The following CBR4 variants were observed in gnomAD, a reference collection of about 807,000 sequenced individuals.
The protein encoded by CBR4 is 3-oxoacyl-[acyl-carrier-protein] reductase.
A neutral mutation model predicts 21.0 loss-of-function variants in CBR4; 22 were observed. The ratio of observed to expected loss-of-function variants is 1.05; its 90% CI spans 0.75 to 1.50. The LOEUF is 1.50. Among genes scored for constraint, CBR4 ranks in the 40% most tolerant of loss-of-function variants. CBR4 has a pLI of 0.00. For missense variants in CBR4, 302 were observed against 286.3 expected (o/e 1.05, Z -0.40); for synonymous variants, 100 against 104.4 (o/e 0.96, Z 0.26).
intron 2 of CBR4, among the ~76,000 whole-genome samples, chr4:168,948,993 A>G (rs1018398769): frequency 3.3e-5 from 5 of 152,200 alleles, no homozygotes; most frequent in Non-Finnish European, 5.9e-5. Flanking sequence ...CTACCCTTCC[A>G]TGAGCATGGG....
At chr4:168,897,875 C>G (rs1237864895) in intron 2 of CBR4, 2 of 149,294 alleles carry the variant, frequency 1.3e-5, no homozygotes, top group Non-Finnish European at 3.0e-5. Flanking sequence ...ATTTTTTCTT[C>G]TAAAGATGGT....
intron 2 of CBR4, chr4:168,927,379 G>GAAGT (rs1194854116): frequency 4.3e-6 from 1 of 232,846 alleles, no homozygotes; most frequent in East Asian, 6.0e-5. Context: ...GGGCCAGCTG[G>GAAGT]AAGTGTGGAG....
At chr4:168,980,952 C>G (rs1414576304) in intron 2 of CBR4, among the ~76,000 whole-genome samples, 2 of 152,104 alleles carry the variant, frequency 1.3e-5, no homozygotes, top group African/African-American at 4.8e-5. Flanking sequence ...GATTCTTAAC[C>G]AGAAGGAAAT....
chr4:168,916,627 A>G (rs956941460), intron 2 of CBR4, among the ~76,000 whole-genome samples: 1 of 151,810 alleles, frequency 6.6e-6, no homozygotes, highest in Non-Finnish European at 1.5e-5. Context: ...TTCTTTTTTC[A>G]TACAAATTTT....
At chr4:168,925,105 T>G (rs1483301503) in intron 2 of CBR4, 1 of 1,611,412 alleles carries the variant, frequency 6.2e-7, no homozygotes, top group Admixed American at 1.7e-5. Flanking sequence ...CTCATTTCAT[T>G]GCGTTTACTC....
chr4:168,934,607 C>T (rs1205867473), intron 2 of CBR4, among the ~76,000 whole-genome samples: 11 of 151,942 alleles, frequency 7.2e-5, no homozygotes, highest in Admixed American at 5.9e-4. Context: ...TTCCTGGACA[C>T]ACAAGCTACC....
rs1216350014 is a variant in CBR4 at position 168,947,116 on chromosome 4, CCT to C, written n.170-52353_170-52352del. 7.2e-5 allele frequency among the ~76,000 whole-genome samples: 11 copies of C among 151,982 alleles called. No individual in the cohort carries two copies. The South Asian group carries it at 1.5e-3, about 20-fold the overall frequency. Reference sequence around the variant, plus strand: ...CATAGACATAGAGTTTAGTCGTGCCCCTGTCATGTTTTTTTTTAAATTGGGTA... The same window carrying C: ...CATAGACATAGAGTTTAGTCGTGCCCGTCATGTTTTTTTTTAAATTGGGTA... On this transcript the variant is annotated intron_variant and non_coding_transcript_variant, in intron 2 of 3. Transcript: ENST00000509108.
At chr4:168,970,292 C>T (rs1173158403) in intron 2 of CBR4, among the ~76,000 whole-genome samples, 1 of 151,902 alleles carries the variant, frequency 6.6e-6, no homozygotes, top group Non-Finnish European at 1.5e-5. Context: ...CCCGCCACAC[C>T]CCAGAATCAG....
At chr4:168,966,344 C>G (rs1176824198) in intron 2 of CBR4, among the ~76,000 whole-genome samples, 3 of 124,200 alleles carry the variant, frequency 2.4e-5, no homozygotes, top group Non-Finnish European at 4.9e-5. Flanking sequence ...AACCCCATCT[C>G]TACTAAAAAT....
At chr4:168,999,139 T>A (rs1730189719) in intron 4 of CBR4, among the ~76,000 whole-genome samples, 1 of 152,164 alleles carries the variant, frequency 6.6e-6, no homozygotes, top group Non-Finnish European at 1.5e-5. Context: ...CAGCTATTGA[T>A]CTTTAAAAAG....
chr4:169,006,678 T>A, intron 3 of CBR4, 77 bp downstream of exon 3: 1 of 1,282,276 alleles, frequency 7.8e-7, no homozygotes, highest in South Asian at 1.4e-5. Context: ...TCACAATAAA[T>A]CACAAATTCG....
chr4:168,929,270 GGGCCTA>G (rs1762887462), intron 2 of CBR4, among the ~76,000 whole-genome samples: 1 of 152,058 alleles, frequency 6.6e-6, no homozygotes, highest in African/African-American at 2.4e-5. Flanking sequence ...CAACATATTT[GGGCCTA>G]GGCTTTCCTA....
chr4:168,997,145 A>G (rs1765244186), intron 4 of CBR4, among the ~76,000 whole-genome samples: 2 of 152,174 alleles, frequency 1.3e-5, no homozygotes, highest in Admixed American at 6.5e-5. Flanking sequence ...AAACTAGGCT[A>G]TAAAATTTAC....
intron 2 of CBR4, among the ~76,000 whole-genome samples, chr4:168,976,941 G>A (rs1163285606): frequency 6.6e-6 from 1 of 152,206 alleles, no homozygotes; most frequent in South Asian, 2.1e-4. Flanking sequence ...TGGGCTCAGA[G>A]GCCTGACACA....
At chr4:168,978,040 C>T (rs1017147441) in intron 2 of CBR4, among the ~76,000 whole-genome samples, 30 of 152,204 alleles carry the variant, frequency 2.0e-4, no homozygotes, top group Non-Finnish European at 4.4e-5. Flanking sequence ...TATCCTCCTA[C>T]TTGAAATCTT....
chr4:169,001,906 T>C, intron 4 of CBR4, 165 bp downstream of exon 4: 3 of 529,246 alleles, frequency 5.7e-6, no homozygotes, highest in African/African-American at 2.0e-5. Context: ...ATATAGAATA[T>C]GAGGTACAAA....
chr4:169,008,927 T>C (rs1300469058), intron 1 of CBR4: 1 of 449,728 alleles, frequency 2.2e-6, no homozygotes, highest in African/African-American at 2.0e-5. Flanking sequence ...ATCAATAATG[T>C]TAACTTAAAA....
Position 168,989,198 on chromosome 4 carries a change from C to CAAAA in CBR4, c.*948_*951dup, listed in dbSNP as rs1309621219. ...GGGATAAGAATCATAATCACTAATG[C>CAAAA]AAAATACTCTTAATTTTTTAAATGT... On this transcript the variant is annotated 3_prime_UTR_variant, in exon 5 of 5. Transcript: ENST00000306193. 53 of 968,830 alleles carry CAAAA rather than the reference C, an allele frequency of 5.5e-5. 1 individual carries two copies. Among genetic ancestry groups the CAAAA allele is most frequent in the Non-Finnish European group, 6.1e-5 (50 of 814,998 alleles). 60.0% of individuals were successfully genotyped at this position (968,830 alleles called of 1,614,324 possible).
At position 168,966,315 on chromosome 4, in the gene CBR4, C is replaced by A. The variant is rs1289807816; in HGVS notation, n.169+35756G>T. Among the ~76,000 whole-genome samples the A allele has an allele frequency of 3.7e-5, 5 of 136,000 alleles. No homozygotes were observed. The Admixed American group carries it at 4.2e-4, about 11-fold the overall frequency. The allele number at this position is 136,000 out of a possible 152,430, so 89.2% of individuals were successfully genotyped here. On this transcript the variant is annotated intron_variant and non_coding_transcript_variant, in intron 2 of 3. Transcript: ENST00000509108. The stretch of plus-strand genomic sequence containing the variant: ...GACCACGAGGTCAGGAGATCAAGAC[C>A]ATCCTGGCTAACAGGTGAAACCCCA...
Sources: allele counts gnomAD v4.1 joint callset (sites outside exome capture counted in the v4.1 genomes callset), GRCh38; gene constraint gnomAD v4.1.1; transcripts MANE v1.5; gene names NCBI Gene and HGNC (gene_info 2026-07-23, HGNC 2026-07-21).